ZFYVE26: variants seen among roughly 807,000 people sequenced by gnomAD.
ZFYVE26 encodes the protein zinc finger FYVE-type containing 26.
ZFYVE26 carries 181 observed loss-of-function variants against 276.5 expected under a neutral mutation model. The observed-to-expected ratio is 0.65, with a 90% CI of 0.58 to 0.74. The LOEUF is 0.74. ZFYVE26 is among the 30% of genes least tolerant of loss of function. The probability of loss-of-function intolerance (pLI) is 0.00; values close to 1 mark genes in which losing one functional copy is unlikely to be tolerated. For synonymous variants in ZFYVE26, 1,129 were observed against 1,203.1 expected (o/e 0.94, Z 1.27); for missense variants, 2,821 against 3,097.9 (o/e 0.91, Z 2.12).
Position 67,782,893 on chromosome 14 carries a change from G to A in ZFYVE26, c.4259C>T (p.Ser1420Phe). ...LDVLSEAFEE[S>F]LVARDWSRAL... ...CCGGGACCAATCTCTGGCCACCAAG[G>A]ATTCCTCAAAAGCCTCACTCAGTAC... The change falls in exon 21 of 42, where the codon TCC (serine) becomes TTC (phenylalanine). Residue 1420 changes from serine to phenylalanine, a missense_variant. Transcript: ENST00000347230. 1 of 1,614,198 alleles carries A rather than the reference G, an allele frequency of 6.2e-7. No homozygotes were observed. Among genetic ancestry groups the A allele is most frequent in the African/African-American group, 1.3e-5 (1 of 75,050 alleles).
chr14:67,771,584 G>A (rs1028171093), intron 28 of ZFYVE26, among the ~76,000 whole-genome samples: 6 of 152,204 alleles, frequency 3.9e-5, no homozygotes, highest in African/African-American at 1.4e-4. Flanking sequence ...AGCTCCATGA[G>A]CCTAAGAATA....
chr14:67,806,880 T>A (rs2040191811), intron 5 of ZFYVE26, among the ~76,000 whole-genome samples: 1 of 152,202 alleles, frequency 6.6e-6, no homozygotes, highest in Non-Finnish European at 1.5e-5. Context: ...GCTATTACTT[T>A]ATTTTTTTTC....
intron 8 of ZFYVE26, 138 bp downstream of exon 8, chr14:67,805,079 T>C: frequency 2.5e-6 from 2 of 794,678 alleles, no homozygotes; most frequent in Non-Finnish European, 2.1e-6. Flanking sequence ...GTTTAATTGT[T>C]GGAACAATTT....
chr14:67,784,114 C>T (rs1472126996), intron 20 of ZFYVE26, among the ~76,000 whole-genome samples: 3 of 152,016 alleles, frequency 2.0e-5, no homozygotes, highest in African/African-American at 7.2e-5. Flanking sequence ...GCAGAGTCAC[C>T]CACTGATTTC....
At chr14:67,799,355 G>A in intron 10 of ZFYVE26, 1 of 1,610,464 alleles carries the variant, frequency 6.2e-7, no homozygotes, top group Non-Finnish European at 8.5e-7. Context: ...ATCCTATAAG[G>A]CCTTTGTCAA....
At chr14:67,742,795 TTCC>T (rs1385170499), downstream of ZFYVE26, among the ~76,000 whole-genome samples, 2 of 146,762 alleles carry the variant, frequency 1.4e-5, no homozygotes, top group African/African-American at 5.4e-5. Flanking sequence ...CCTTCCTTCC[TTCC>T]TTCTTCCCTT....
In ZFYVE26 at chr14:67,806,504, TC is replaced by T. The variant is rs780114067; in HGVS notation, c.1017+40del. 7.4e-6 allele frequency: 12 copies of T among 1,612,850 alleles called. No homozygotes were observed. In the African/African-American group the frequency reaches 1.5e-4, roughly 20 times the overall value. On this transcript the variant is annotated intron_variant, in intron 6 of 41. Coordinates refer to ENST00000347230, the MANE Select transcript of ZFYVE26 (RefSeq NM_015346.4). ...GAGGAATGAAAAAGTCTGGGGAGAATCCCTGGGTACCTCTGTGATGAACAAT... is the reference window on the plus strand; with the variant it reads ...GAGGAATGAAAAAGTCTGGGGAGAATCCTGGGTACCTCTGTGATGAACAAT...
chr14:67,777,478 A>T, intron 25 of ZFYVE26, 81 bp downstream of exon 25: 1 of 1,606,780 alleles, frequency 6.2e-7, no homozygotes, highest in Admixed American at 1.7e-5. Context: ...TCTCTCCCTC[A>T]GGTATGCCTT....
At chr14:67,730,896 G>A (rs577769570) in intron 13 of ZFYVE26, among the ~76,000 whole-genome samples, 18 of 152,132 alleles carry the variant, frequency 1.2e-4, no homozygotes, top group Middle Eastern at 3.4e-3. Flanking sequence ...GAGCCACCGC[G>A]CCCAGCCCCA....
intron 10 of ZFYVE26, chr14:67,799,690 G>C (rs1437835976): frequency 2.9e-6 from 3 of 1,017,384 alleles, no homozygotes; most frequent in Non-Finnish European, 4.5e-6. Context: ...GAAGGCAAAA[G>C]TCAACTCAAC....
chr14:67,814,664 T>C (rs2040366854), intron 2 of ZFYVE26, among the ~76,000 whole-genome samples: 5 of 152,184 alleles, frequency 3.3e-5, no homozygotes, highest in Admixed American at 3.3e-4. Context: ...TAATAGCTAA[T>C]ACTATCTGAA....
chr14:67,780,685 A>G (rs1480205437), intron 22 of ZFYVE26, among the ~76,000 whole-genome samples: 2 of 152,188 alleles, frequency 1.3e-5, no homozygotes, highest in African/African-American at 2.4e-5. Flanking sequence ...TCTGGCTTGA[A>G]TGCTCTGTGG....
At chr14:67,756,881 G>A (rs925855670) in intron 35 of ZFYVE26, among the ~76,000 whole-genome samples, 1 of 152,146 alleles carries the variant, frequency 6.6e-6, no homozygotes, top group Non-Finnish European at 1.5e-5. Flanking sequence ...TACTGAACAT[G>A]GCCACTTGGA....
chr14:67,759,469 CA>C (rs1401169789), intron 35 of ZFYVE26, among the ~76,000 whole-genome samples: 5 of 151,230 alleles, frequency 3.3e-5, no homozygotes, highest in African/African-American at 1.2e-4. Context: ...ACTAAAAATA[CA>C]AAAATTAGCC....
At position 67,783,324 on chromosome 14, in the gene ZFYVE26, C is replaced by A. The variant is rs372552407; in HGVS notation, c.3828G>T (p.Pro1276=). 1.2e-6 allele frequency: 2 copies of A among 1,612,682 alleles called. No individual in the cohort carries two copies. Among genetic ancestry groups the A allele is most frequent in the African/African-American group, 1.3e-5 (1 of 74,850 alleles). ...CCAATGTAGGGTTCTCAGTTGTCCT[C>A]GGGGAGCTCGGTGTAGAAAGTGGGA... is the stretch of plus-strand genomic sequence containing the variant. ...DDLPLSTPSS[P]RTTENPTLER... Residue 1276 remains proline (P), a synonymous_variant, in exon 21 of 42, where the codon CCG becomes CCT. Coordinates refer to ENST00000347230, the MANE Select transcript of ZFYVE26 (RefSeq NM_015346.4).
chr14:67,749,746 C>A (rs1191390243), intron 41 of ZFYVE26, among the ~76,000 whole-genome samples: 1 of 152,208 alleles, frequency 6.6e-6, no homozygotes, highest in Non-Finnish European at 1.5e-5. Flanking sequence ...CAGTCCTGTG[C>A]CGCTTGGGAA....
intron 14 of ZFYVE26, among the ~76,000 whole-genome samples, chr14:67,792,061 A>C (rs2039828855): frequency 7.0e-6 from 1 of 143,708 alleles, no homozygotes; most frequent in East Asian, 2.0e-4. Flanking sequence ...CTCTGCTTCA[A>C]AAAAAAAAAA....
At chr14:67,769,473 G>T in intron 29 of ZFYVE26, 121 bp downstream of exon 29, 1 of 1,434,316 alleles carries the variant, frequency 7.0e-7, no homozygotes, top group Non-Finnish European at 9.7e-7. Flanking sequence ...TGGCATTTCA[G>T]TGTGAATGTT....
At chr14:67,755,393 G>T in intron 36 of ZFYVE26, 143 bp from the exon 37 acceptor site, 1 of 974,786 alleles carries the variant, frequency 1.0e-6, no homozygotes, top group Non-Finnish European at 1.6e-6. Context: ...GCTATTTTGA[G>T]CCAGTCACCC....
Sources: allele counts gnomAD v4.1 joint callset (sites outside exome capture counted in the v4.1 genomes callset), GRCh38; gene constraint gnomAD v4.1.1; transcripts MANE v1.5; gene names NCBI Gene and HGNC (gene_info 2026-07-23, HGNC 2026-07-21).